ATG7: variants seen among roughly 807,000 people sequenced by gnomAD.
ATG7 encodes autophagy related 7, also known as ubiquitin-like modifier-activating enzyme ATG7.
ATG7 carries 70 observed loss-of-function variants against 82.4 expected under a neutral mutation model. That is an observed-to-expected ratio of 0.85 (90% confidence interval 0.70 to 1.04). The LOEUF (loss-of-function observed/expected upper bound fraction) is 1.04. Ranked by LOEUF, ATG7 falls within the 50% of genes least tolerant of loss-of-function variation. ATG7 has a pLI of 0.00. For missense variants in ATG7, 792 were observed against 864.3 expected (o/e 0.92, Z 1.05); for synonymous variants, 287 against 313.0 (o/e 0.92, Z 0.88).
rs74820724 is a variant in ATG7, at chr3:11,522,781, T to G, written c.2080-32030T>G. 7.4e-3 allele frequency among the ~76,000 whole-genome samples: 1,126 copies of G among 152,304 alleles called. 90 individuals are homozygous for G. In the East Asian group the frequency reaches 0.18, roughly 24 times the overall value. On this transcript the variant is annotated intron_variant, in intron 20 of 20. Coordinates refer to ENST00000693202, the MANE Select transcript of ATG7 (RefSeq NM_001349232.2). ...GCCTGTCAAATGCCCACCCCAGGCCTAGACTGCTCTGAGCTTGTGGTACAG... is the reference window on the plus strand; with the variant it reads ...GCCTGTCAAATGCCCACCCCAGGCCGAGACTGCTCTGAGCTTGTGGTACAG...
chr3:11,443,710 G>A (rs1469660187), intron 20 of ATG7, among the ~76,000 whole-genome samples: 4 of 152,066 alleles, frequency 2.6e-5, no homozygotes, highest in South Asian at 2.1e-4. Flanking sequence ...TGGCCGAGGA[G>A]GTTTGTATTA....
chr3:11,454,226 C>G (rs1200998145), intron 20 of ATG7, among the ~76,000 whole-genome samples: 1 of 152,122 alleles, frequency 6.6e-6, no homozygotes, highest in Admixed American at 6.5e-5. Flanking sequence ...CAGGGTCTCA[C>G]TCTCATCCCA....
intron 20 of ATG7, among the ~76,000 whole-genome samples, chr3:11,498,360 G>T (rs561408213): frequency 6.6e-6 from 1 of 152,252 alleles, no homozygotes; most frequent in South Asian, 2.1e-4. Context: ...CCCCTGTATG[G>T]CACTGCTGCT....
chr3:11,477,286 A>T, intron 20 of ATG7: 1 of 1,206,830 alleles, frequency 8.3e-7, no homozygotes, highest in Non-Finnish European at 1.1e-6. Flanking sequence ...AACAATGATG[A>T]TAAAATAAAA....
intron 20 of ATG7, among the ~76,000 whole-genome samples, chr3:11,438,906 C>T (rs2083607994): frequency 6.6e-6 from 1 of 151,966 alleles, no homozygotes; most frequent in Non-Finnish European, 1.5e-5. Context: ...GCCCTGTGAC[C>T]GCTATTCTAG....
intron 20 of ATG7, among the ~76,000 whole-genome samples, chr3:11,452,258 G>A (rs2085262301): frequency 6.6e-6 from 1 of 151,920 alleles, no homozygotes; most frequent in Non-Finnish European, 1.5e-5. Flanking sequence ...GGTGGCACAT[G>A]CCTGTAATCC....
intron 20 of ATG7, among the ~76,000 whole-genome samples, chr3:11,550,980 C>CG (rs1219061833): frequency 1.3e-5 from 2 of 151,926 alleles, no homozygotes; most frequent in African/African-American, 4.8e-5. Flanking sequence ...TTCTAACATG[C>CG]GGGGTAAGGC....
intron 20 of ATG7, among the ~76,000 whole-genome samples, chr3:11,552,845 G>A (rs1410645167): frequency 3.3e-5 from 5 of 152,174 alleles, no homozygotes; most frequent in African/African-American, 1.2e-4. Context: ...GTCCCAGTGT[G>A]GCTGAGCACC....
At chr3:11,321,115 C>A (rs1950155059) in intron 9 of ATG7, among the ~76,000 whole-genome samples, 1 of 152,160 alleles carries the variant, frequency 6.6e-6, no homozygotes, top group Non-Finnish European at 1.5e-5. Context: ...GATCCTCACC[C>A]TAGAAAAATC....
intron 20 of ATG7, among the ~76,000 whole-genome samples, chr3:11,484,338 G>A (rs749021308): frequency 6.6e-6 from 1 of 152,190 alleles, no homozygotes; most frequent in Non-Finnish European, 1.5e-5. Flanking sequence ...AGGCTGCAGT[G>A]AGCCAAAATC....
the ATG7 span, chr3:11,569,039 T>G: frequency 1.4e-6 from 1 of 693,578 alleles, no homozygotes; most frequent in Non-Finnish European, 1.8e-6. Flanking sequence ...ACACGCTCTC[T>G]AAGCTAAGAA....
At chr3:11,530,308 C>T (rs2092670419) in intron 20 of ATG7, among the ~76,000 whole-genome samples, 1 of 152,188 alleles carries the variant, frequency 6.6e-6, no homozygotes, top group South Asian at 2.1e-4. Context: ...GGTGCGCGTG[C>T]AGTCCCTGTG....
At chr3:11,307,186 G>T (rs1432926641) in intron 6 of ATG7, 126 bp downstream of exon 6, 2 of 861,460 alleles carry the variant, frequency 2.3e-6, no homozygotes, top group Non-Finnish European at 3.8e-6. Context: ...GACACTTGTG[G>T]GCTTTGGTAT....
intron 19 of ATG7, among the ~76,000 whole-genome samples, chr3:11,388,908 C>T (rs188418733): frequency 5.1e-4 from 77 of 152,162 alleles, no homozygotes; most frequent in Non-Finnish European, 8.4e-4. Flanking sequence ...GTCTTACACA[C>T]ACAGGCTTTA....
intron 19 of ATG7, among the ~76,000 whole-genome samples, chr3:11,391,726 T>G (rs1022007369): frequency 6.6e-6 from 1 of 152,222 alleles, no homozygotes; most frequent in Non-Finnish European, 1.5e-5. Context: ...ACAGCATTTC[T>G]CTGTTCCTTT....
intron 20 of ATG7, among the ~76,000 whole-genome samples, chr3:11,479,600 C>T (rs2088682186): frequency 6.6e-6 from 1 of 152,006 alleles, no homozygotes; most frequent in Non-Finnish European, 1.5e-5. Context: ...CAAAGTAAGG[C>T]ATGTTTTCTA....
intron 3 of ATG7, among the ~76,000 whole-genome samples, chr3:11,287,076 T>G (rs1944207314): frequency 6.6e-6 from 1 of 152,172 alleles, no homozygotes; most frequent in Non-Finnish European, 1.5e-5. Context: ...GATAAAAGGT[T>G]TCTAAAATTC....
chr3:11,455,236 T>G (rs1207497151), intron 20 of ATG7, among the ~76,000 whole-genome samples: 1 of 152,208 alleles, frequency 6.6e-6, no homozygotes, highest in Non-Finnish European at 1.5e-5. Context: ...TGAAGCAAGT[T>G]ATTGATTTTA....
chr3:11,293,893 C>T (rs1575213307), intron 3 of ATG7, among the ~76,000 whole-genome samples: 1 of 151,582 alleles, frequency 6.6e-6, no homozygotes, highest in East Asian at 2.0e-4. Flanking sequence ...TGACACACAC[C>T]TGTAGTCCCA....
Sources: gnomAD v4.1 joint callset for allele counts (sites outside exome capture counted in the v4.1 genomes callset) on GRCh38, gnomAD v4.1.1 for gene constraint, MANE v1.5 for transcripts, NCBI Gene and HGNC (gene_info 2026-07-23, HGNC 2026-07-21) for gene names.